Variants in GRIK2 observed in about 807,000 individuals in gnomAD.
GRIK2 encodes glutamate receptor ionotropic, kainate 2.
A neutral mutation model predicts 100.3 loss-of-function variants in GRIK2; 32 were observed. The ratio of observed to expected loss-of-function variants is 0.32; its 90% CI spans 0.24 to 0.43. The LOEUF is 0.43. GRIK2 is among the 20% of genes least tolerant of loss of function. The probability of loss-of-function intolerance (pLI) is 1.00; values close to 1 mark genes in which losing one functional copy is unlikely to be tolerated. For missense variants in GRIK2, 843 were observed against 1,114.9 expected, an observed-to-expected ratio of 0.76 and a Z score of 3.47; for synonymous variants, 417 against 389.4, an observed-to-expected ratio of 1.07 and a Z score of -0.83.
At chr6:101,904,172 A>T (rs1788066724) in intron 12 of GRIK2, among the ~76,000 whole-genome samples, 2 of 151,028 alleles carry the variant, frequency 1.3e-5, no homozygotes, top group South Asian at 4.1e-4. Context: ...GTTCACTTCA[A>T]TTTTTTTATC....
intron 7 of GRIK2, among the ~76,000 whole-genome samples, chr6:101,687,490 A>T (rs1771779791): frequency 6.6e-6 from 1 of 151,786 alleles, no homozygotes; most frequent in Admixed American, 6.6e-5. Context: ...TATGCTTGTA[A>T]TTTTTCCATT....
intron 7 of GRIK2, among the ~76,000 whole-genome samples, chr6:101,790,810 G>C (rs1192222032): frequency 6.6e-6 from 1 of 151,440 alleles, no homozygotes; most frequent in African/African-American, 2.4e-5. Context: ...ACCTCTGGTA[G>C]AATTCGGCTG....
At chr6:101,779,455 T>A (rs758234680) in intron 7 of GRIK2, among the ~76,000 whole-genome samples, 2 of 152,236 alleles carry the variant, frequency 1.3e-5, no homozygotes, top group Non-Finnish European at 2.9e-5. Flanking sequence ...ATAGTTTTAC[T>A]AAAATGTGTA....
chr6:101,453,876 A>G (rs907968390), intron 2 of GRIK2, among the ~76,000 whole-genome samples: 1 of 152,098 alleles, frequency 6.6e-6, no homozygotes, highest in African/African-American at 2.4e-5. Context: ...AAAATGTAGA[A>G]TTGCTAAATT....
intron 14 of GRIK2, among the ~76,000 whole-genome samples, chr6:102,017,708 T>G (rs1364469489): frequency 2.6e-5 from 4 of 152,166 alleles, no homozygotes; most frequent in African/African-American, 9.7e-5. Flanking sequence ...GATATTTTGT[T>G]CTGATATTAT....
intron 11 of GRIK2, among the ~76,000 whole-genome samples, chr6:101,864,456 C>T (rs946406146): frequency 3.9e-5 from 6 of 152,074 alleles, no homozygotes; most frequent in Non-Finnish European, 8.8e-5. Flanking sequence ...GAGCCCTAGT[C>T]AAAAAACTGC....
intron 7 of GRIK2, among the ~76,000 whole-genome samples, chr6:101,756,788 G>A (rs1424433268): frequency 2.6e-5 from 4 of 152,124 alleles, no homozygotes; most frequent in African/African-American, 4.8e-5. Flanking sequence ...AGGCTTTAAT[G>A]TACTAGTTTA....
chr6:101,537,939 G>A (rs184202593), intron 2 of GRIK2, among the ~76,000 whole-genome samples: 12 of 151,764 alleles, frequency 7.9e-5, no homozygotes, highest in African/African-American at 2.2e-4. Context: ...GAAGTATTCC[G>A]AAATATGATG....
chr6:101,862,376 C>A (rs2128444493), intron 11 of GRIK2, among the ~76,000 whole-genome samples: 1 of 152,198 alleles, frequency 6.6e-6, no homozygotes, highest in Admixed American at 6.5e-5. Flanking sequence ...CATTTTCTTT[C>A]TTAAATCTTT....
At chr6:101,415,128 T>A (rs1776071720) in intron 2 of GRIK2, among the ~76,000 whole-genome samples, 1 of 152,170 alleles carries the variant, frequency 6.6e-6, no homozygotes, top group Admixed American at 6.5e-5. Flanking sequence ...GTTATCATTT[T>A]GTTTCTATTA....
intron 15 of GRIK2, among the ~76,000 whole-genome samples, chr6:102,050,795 G>A (rs1469530512): frequency 2.0e-5 from 3 of 151,420 alleles, no homozygotes; most frequent in Non-Finnish European, 1.5e-5. Context: ...GAGAAAGGGA[G>A]GGAGGGAGGA....
chr6:101,912,582 C>T (rs773477878), intron 12 of GRIK2, among the ~76,000 whole-genome samples: 25 of 151,592 alleles, frequency 1.6e-4, no homozygotes, highest in Non-Finnish European at 3.2e-4. Context: ...CAAAATCCTG[C>T]TAACAGGGGT....
chr6:101,756,243 G>A (rs748861611), intron 7 of GRIK2, among the ~76,000 whole-genome samples: 2 of 152,048 alleles, frequency 1.3e-5, no homozygotes, highest in Non-Finnish European at 2.9e-5. Flanking sequence ...TTAGAGTCAA[G>A]AACAAACACA....
At chr6:101,545,399 A>T (rs1776184202) in intron 2 of GRIK2, among the ~76,000 whole-genome samples, 1 of 152,162 alleles carries the variant, frequency 6.6e-6, no homozygotes, top group Non-Finnish European at 1.5e-5. Context: ...AGTTTGAGTC[A>T]TCTAAAGTAG....
chr6:101,773,350 C>T (rs1347734834), intron 7 of GRIK2, among the ~76,000 whole-genome samples: 1 of 151,714 alleles, frequency 6.6e-6, no homozygotes, highest in Non-Finnish European at 1.5e-5. Context: ...CAAGGTGGCA[C>T]GCGCCTATAG....
chr6:101,540,766 C>T (rs1775947046), intron 2 of GRIK2, among the ~76,000 whole-genome samples: 1 of 151,798 alleles, frequency 6.6e-6, no homozygotes, highest in Non-Finnish European at 1.5e-5. Context: ...ATTTAAATTT[C>T]CTTGATTTAC....
chr6:101,966,818 A>T (rs1303421939), intron 14 of GRIK2, among the ~76,000 whole-genome samples: 2 of 152,146 alleles, frequency 1.3e-5, no homozygotes. Context: ...AAGTCTTATA[A>T]TCCAAGGCAA....
At chr6:101,467,767 C>G (rs1169441399) in intron 2 of GRIK2, among the ~76,000 whole-genome samples, 1 of 152,104 alleles carries the variant, frequency 6.6e-6, no homozygotes, top group East Asian at 1.9e-4. Flanking sequence ...TACATACAAA[C>G]TTATGCTACA....
At chr6:101,998,812 C>CTTTTTT (rs755522043) in intron 14 of GRIK2, among the ~76,000 whole-genome samples, 2,863 of 109,676 alleles carry the variant, frequency 0.026, 5 homozygotes, top group Non-Finnish European at 0.034. Flanking sequence ...TTTTTCTTTT[C>CTTTTTT]TTTTTTTTTT....
Sources: allele counts gnomAD v4.1 joint callset (sites outside exome capture counted in the v4.1 genomes callset), GRCh38; gene constraint gnomAD v4.1.1; transcripts MANE v1.5; gene names NCBI Gene and HGNC (gene_info 2026-07-23, HGNC 2026-07-21).